CD84: variants seen among roughly 807,000 people sequenced by gnomAD.
CD84 encodes SLAM family member 5.
Under a neutral mutation model 33.8 loss-of-function variants are expected in CD84, and 22 were observed. The observed-to-expected ratio is 0.65, with a 90% CI of 0.46 to 0.93. The LOEUF is 0.93. Ranked by LOEUF, CD84 falls within the 40% of genes least tolerant of loss-of-function variation. The pLI is 0.00. For missense variants in CD84, 400 were observed against 397.6 expected (o/e 1.01, Z -0.05); for synonymous variants, 154 against 145.2 (o/e 1.06, Z -0.44).
Position 160,548,299 on chromosome 1 carries a change from T to C in CD84, c.944A>G (p.Asp315Gly), listed in dbSNP as rs1367990076. The change falls in exon 7 of 7, where the codon GAC becomes GGC. Residue 315 changes from aspartate to glycine, a missense_variant. Transcript: ENST00000368054. Reference protein sequence around the residue: ...ADKMGKASTQDSKPPGTSSYE... With the variant: ...ADKMGKASTQGSKPPGTSSYE... ...GCTTGAAGTCCCAGGAGGTTTACTG[T>C]CCTGTGTGCTGGCTTTCCCCATCTG... 2.7e-5 allele frequency: 43 copies of C among 1,614,078 alleles called. No homozygotes were observed. The highest frequency in any genetic ancestry group is 3.6e-5 in the Non-Finnish European group (42 of 1,180,040).
rs567997562 is a variant in CD84 at position 160,576,348 on chromosome 1, T to C, written c.46+3044A>G. Among the ~76,000 whole-genome samples, 19 of 152,342 alleles carry C rather than the reference T, an allele frequency of 1.2e-4. No homozygotes were observed. The South Asian group carries it at 3.9e-3, about 32-fold the overall frequency. ...TGGACTTTTATTTGTTTAAAGAAAC[T>C]AATTCAAATCACATTTGAATAATAT... On this transcript the variant is annotated intron_variant, in intron 1 of 6. Transcript: ENST00000368054.
chr1:160,554,604 C>CA (rs1018574225), intron 2 of CD84, among the ~76,000 whole-genome samples: 1 of 152,114 alleles, frequency 6.6e-6, no homozygotes, highest in African/African-American at 2.4e-5. Flanking sequence ...GTGAATAGCA[C>CA]AAAAAATAGG....
chr1:160,564,165 A>G (rs1297111820), intron 2 of CD84, among the ~76,000 whole-genome samples: 1 of 152,186 alleles, frequency 6.6e-6, no homozygotes, highest in African/African-American at 2.4e-5. Context: ...GATAACAAAT[A>G]GTTATAATAT....
At chr1:160,570,194 C>A (rs1194233293) in intron 1 of CD84, among the ~76,000 whole-genome samples, 1 of 152,114 alleles carries the variant, frequency 6.6e-6, no homozygotes, top group Non-Finnish European at 1.5e-5. Context: ...TGAGTTTCTA[C>A]TTTATGTCAT....
Position 160,547,111 on chromosome 1 carries a change from A to C in CD84, c.*1145T>G. ...ATTGAGGAGAGTTAATGCCTGTGTAAGCTGGCTGGTGATCTGTTTGTGGGG... is the reference window on the plus strand; with the variant it reads ...ATTGAGGAGAGTTAATGCCTGTGTACGCTGGCTGGTGATCTGTTTGTGGGG... On this transcript the variant is annotated 3_prime_UTR_variant, in exon 7 of 7. Transcript: ENST00000368054. 1 of 398,958 alleles carries C rather than the reference A, an allele frequency of 2.5e-6. No individual in the cohort carries two copies. The highest frequency in any genetic ancestry group is 4.4e-6 in the Non-Finnish European group (1 of 226,072). 24.7% of individuals were successfully genotyped at this position (398,958 alleles called of 1,614,324 possible). A position where few individuals can be genotyped will look rare whatever the true frequency, so the allele number is the denominator to read the frequency against.
intron 2 of CD84, among the ~76,000 whole-genome samples, chr1:160,561,052 G>A (rs1287056969): frequency 6.6e-6 from 1 of 151,986 alleles, no homozygotes; most frequent in Non-Finnish European, 1.5e-5. Context: ...CAAAAGCCAG[G>A]ACCAGACAGA....
chr1:160,558,200 G>A (rs530916336), intron 2 of CD84, among the ~76,000 whole-genome samples: 1 of 152,176 alleles, frequency 6.6e-6, no homozygotes, highest in African/African-American at 2.4e-5. Context: ...CCCAACAGAG[G>A]TCCCTAGCCA....
At chr1:160,553,287 T>C (rs1656361366) in intron 4 of CD84, 91 bp downstream of exon 4, 1 of 1,606,932 alleles carries the variant, frequency 6.2e-7, no homozygotes, top group Non-Finnish European at 8.5e-7. Context: ...CCTGGAACAA[T>C]GGGCCTTTCA....
rs552751493 is a variant in CD84, at chr1:160,570,480, G to T, written c.47-4735C>A. ...CCCAGAGTAAAGACTATATTGTCCTGCTTTCTTCTAGCTAACGTTGGTCAT... is the reference window on the plus strand; with the variant it reads ...CCCAGAGTAAAGACTATATTGTCCTTCTTTCTTCTAGCTAACGTTGGTCAT... On this transcript the variant is annotated intron_variant, in intron 1 of 6. Coordinates refer to ENST00000368054, the MANE Select transcript of CD84 (RefSeq NM_003874.4). Among the ~76,000 whole-genome samples the T allele has an allele frequency of 1.1e-4, 17 of 152,280 alleles. No homozygotes were observed. In the South Asian group the frequency reaches 3.5e-3, roughly 32 times the overall value.
Position 160,548,060 on chromosome 1 carries a change from A to G in CD84, c.*196T>C. 1 of 601,784 alleles carries G rather than the reference A, an allele frequency of 1.7e-6. No individual in the cohort carries two copies. The highest frequency in any genetic ancestry group is 3.0e-6 in the Non-Finnish European group (1 of 337,160). 37.3% of individuals were successfully genotyped at this position (601,784 alleles called of 1,614,324 possible). ...CATTCATTCAGAAGGGAGTCATTTC[A>G]GGAAGGGTATGCATCCATTTGTCCA... On this transcript the variant is annotated 3_prime_UTR_variant, in exon 7 of 7. Coordinates refer to ENST00000368054, the MANE Select transcript of CD84 (RefSeq NM_003874.4).
At chr1:160,566,837 C>T (rs74124873) in intron 1 of CD84, among the ~76,000 whole-genome samples, 7,584 of 152,172 alleles carry the variant, frequency 0.05, 644 homozygotes, top group African/African-American at 0.17. Context: ...AGATGAAAAG[C>T]TTATTTTCTC....
chr1:160,554,498 A>C (rs1656474686), intron 2 of CD84, among the ~76,000 whole-genome samples: 1 of 152,138 alleles, frequency 6.6e-6, no homozygotes, highest in Admixed American at 6.5e-5. Context: ...CTAGGACTCG[A>C]TTTACTGTTT....
chr1:160,550,767 C>T, intron 5 of CD84, 171 bp downstream of exon 5: 1 of 985,364 alleles, frequency 1.0e-6, no homozygotes, highest in Non-Finnish European at 1.2e-6. Flanking sequence ...TTCCTGTCCT[C>T]ATAGAAAGAT....
In CD84 at chr1:160,545,107, A is replaced by T. The variant is rs1449831445; in HGVS notation, c.*3149T>A. On this transcript the variant is annotated 3_prime_UTR_variant, in exon 7 of 7. Coordinates refer to ENST00000368054, the MANE Select transcript of CD84 (RefSeq NM_003874.4). ...AGATAACGTGTTCATGAATCAGGAG[A>T]TTCATAGCAGAGAAACTGAGAGGAG... 1 of 152,210 alleles carries T rather than the reference A, an allele frequency of 6.6e-6. No individual in the cohort carries two copies. Among genetic ancestry groups the T allele is most frequent in the Admixed American group, 6.5e-5 (1 of 15,278 alleles). The allele number at this position is 152,210 out of a possible 1,614,324, so 9.4% of individuals were successfully genotyped here. A position where few individuals can be genotyped will look rare whatever the true frequency, so the allele number is the denominator to read the frequency against.
At position 160,544,261 on chromosome 1, in the gene CD84, T is replaced by A. The variant is rs1655701848; in HGVS notation, c.*3995A>T. ...ACCTCCCAGGTTCAAGTGATTCTGT[T>A]GCCTCAGCTTCCTGAGTAGCTGGGA... On this transcript the variant is annotated 3_prime_UTR_variant, in exon 7 of 7. Transcript: ENST00000368054. 6.6e-6 allele frequency: 1 copy of A among 151,558 alleles called. No homozygotes were observed. The highest frequency in any genetic ancestry group is 2.4e-5 in the African/African-American group (1 of 41,214). 9.4% of individuals were successfully genotyped at this position (151,558 alleles called of 1,614,324 possible).
In CD84 at chr1:160,548,214, G is replaced by A; in HGVS notation, c.*42C>T. The A allele has an allele frequency of 6.2e-7, 1 of 1,602,204 alleles. No homozygotes were observed. The highest frequency in any genetic ancestry group is 8.6e-7 in the Non-Finnish European group (1 of 1,169,344). ...ATCCAGGGAACCTGCCAGTATTGGTGGTTGTAACTCAGTTTCCAGAGGGAG... is the reference window on the plus strand; with the variant it reads ...ATCCAGGGAACCTGCCAGTATTGGTAGTTGTAACTCAGTTTCCAGAGGGAG... On this transcript the variant is annotated 3_prime_UTR_variant, in exon 7 of 7. Transcript: ENST00000368054.
chr1:160,551,612 T>A (rs544800355), intron 4 of CD84, among the ~76,000 whole-genome samples: 2 of 152,342 alleles, frequency 1.3e-5, no homozygotes, highest in Admixed American at 1.3e-4. Flanking sequence ...CACCAACTCA[T>A]GGCTCACTGC....
At chr1:160,551,523 TTTGA>T (rs1656220926) in intron 4 of CD84, 1 of 164,914 alleles carries the variant, frequency 6.1e-6, no homozygotes, top group Admixed American at 6.4e-5. Context: ...TTATTGCTTG[TTTGA>T]TTGATTCACA....
rs1217897530 is a variant in CD84, at chr1:160,545,266, T to C, written c.*2990A>G. ...TGATTTTTATTTTTGACAATATGCA[T>C]AGGGGCATTAGGACACTAGTAATTT... On this transcript the variant is annotated 3_prime_UTR_variant, in exon 7 of 7. Transcript: ENST00000368054. The C allele has an allele frequency of 1.3e-5, 2 of 152,176 alleles. No homozygotes were observed. The highest frequency in any genetic ancestry group is 4.8e-5 in the African/African-American group (2 of 41,436). The allele number at this position is 152,176 out of a possible 1,614,324, so 9.4% of individuals were successfully genotyped here. A position where few individuals can be genotyped will look rare whatever the true frequency, so the allele number is the denominator to read the frequency against.
Sources: allele counts gnomAD v4.1 joint callset (sites outside exome capture counted in the v4.1 genomes callset), GRCh38; gene constraint gnomAD v4.1.1; transcripts MANE v1.5; gene names NCBI Gene and HGNC (gene_info 2026-07-23, HGNC 2026-07-21).